The following HDAC4 variants were observed in gnomAD, a reference collection of about 807,000 sequenced individuals.
The protein encoded by HDAC4 is histone deacetylase A.
A neutral mutation model predicts 135.1 loss-of-function variants in HDAC4; 16 were observed. The observed-to-expected ratio is 0.12, with a 90% confidence interval of 0.08 to 0.18. The LOEUF is 0.18. Among genes scored for constraint, HDAC4 ranks in the 10% least tolerant of loss-of-function variants. HDAC4 has a pLI of 1.00. For missense variants in HDAC4, 1,143 were observed against 1,511.8 expected, an observed-to-expected ratio of 0.76 and a Z score of 4.05; for synonymous variants, 685 against 653.4, an observed-to-expected ratio of 1.05 and a Z score of -0.74.
chr2:239,287,987 C>T (rs1384972053), intron 2 of HDAC4, among the ~76,000 whole-genome samples: 3 of 151,478 alleles, frequency 2.0e-5, no homozygotes, highest in African/African-American at 7.3e-5. Context: ...AAATATGAAC[C>T]CCAAATAGTC....
At position 239,167,407 on chromosome 2, in the gene HDAC4, G is replaced by A. The variant is rs1292600469; in HGVS notation, c.491-3484C>T. Among the ~76,000 whole-genome samples, 3 of 152,156 alleles carry A rather than the reference G, an allele frequency of 2.0e-5. No individual in the cohort carries two copies. The highest frequency in any genetic ancestry group is 4.8e-5 in the African/African-American group (2 of 41,430). ...GGGCTGGGTGCTGGGCATGACTGGCGTTCATGCCCCATGCAGTGGGGGGCA... is the reference window on the plus strand; with the variant it reads ...GGGCTGGGTGCTGGGCATGACTGGCATTCATGCCCCATGCAGTGGGGGGCA... On this transcript the variant is annotated intron_variant, in intron 5 of 26. Transcript: ENST00000543185. The surrounding 1 kb of genome is among the most constrained non-coding windows in gnomAD (Gnocchi z 4.1).
chr2:239,220,993 C>T (rs1013471914), intron 3 of HDAC4, among the ~76,000 whole-genome samples: 1 of 152,134 alleles, frequency 6.6e-6, no homozygotes, highest in African/African-American at 2.4e-5. Flanking sequence ...GGTACTCCCT[C>T]ACCACGAAGA....
At chr2:239,156,074 T>A (rs940186340) in intron 7 of HDAC4, among the ~76,000 whole-genome samples, 1 of 152,244 alleles carries the variant, frequency 6.6e-6, no homozygotes, top group African/African-American at 2.4e-5. Context: ...TCCCTGCTTC[T>A]AAGATGGTCC....
At chr2:239,157,355 TG>T (rs1559527839) in intron 6 of HDAC4, among the ~76,000 whole-genome samples, 1 of 152,148 alleles carries the variant, frequency 6.6e-6, no homozygotes, top group East Asian at 1.9e-4. Context: ...CCTCCCTCTC[TG>T]GGGGAGGAAC....
chr2:239,284,937 A>G (rs1193420630), intron 2 of HDAC4, among the ~76,000 whole-genome samples: 1 of 152,212 alleles, frequency 6.6e-6, no homozygotes, highest in Non-Finnish European at 1.5e-5. Flanking sequence ...GAAGCCAGAG[A>G]CAAGTGACAA....
intron 1 of HDAC4, among the ~76,000 whole-genome samples, chr2:239,358,034 A>G (rs940486697): frequency 4.6e-5 from 7 of 152,202 alleles, no homozygotes; most frequent in African/African-American, 1.7e-4. Flanking sequence ...TGCCTTGAAA[A>G]GCCCAAGCTA....
chr2:239,080,504 A>AT (rs1224858708), intron 22 of HDAC4, among the ~76,000 whole-genome samples: 3 of 152,212 alleles, frequency 2.0e-5, no homozygotes, highest in African/African-American at 7.2e-5. Flanking sequence ...TCAGCATCCC[A>AT]TTTTGGGTCA....
chr2:239,167,042 T>C lies in HDAC4; in HGVS notation c.491-3119A>G, dbSNP rs6711380. ...TGAGGATGAGGACCCAGATGGCCAG[T>C]TGTTGGAGGGGACTGCCCTGCAGGT... On this transcript the variant is annotated intron_variant, in intron 5 of 26. Transcript: ENST00000543185. The surrounding 1 kb of genome is among the most constrained non-coding windows in gnomAD (Gnocchi z 4.1). Among the ~76,000 whole-genome samples the C allele has an allele frequency of 1.1e-3, 165 of 151,674 alleles. No homozygotes were observed. Among genetic ancestry groups the C allele is most frequent in the Admixed American group, 2.5e-3 (38 of 15,234 alleles).
At chr2:239,298,113 A>C in intron 2 of HDAC4, 1 of 957,322 alleles carries the variant, frequency 1.0e-6, no homozygotes, top group Non-Finnish European at 1.5e-6. Flanking sequence ...GATAAAAAAA[A>C]TTAATGGACT....
intron 16 of HDAC4, among the ~76,000 whole-genome samples, chr2:239,098,323 T>A (rs2037302365): frequency 1.3e-5 from 2 of 152,212 alleles, no homozygotes; most frequent in South Asian, 4.1e-4. Context: ...TTACTACTTG[T>A]CTGTTTGCCG....
chr2:239,276,330 C>T (rs1246452395), intron 2 of HDAC4, among the ~76,000 whole-genome samples: 2 of 152,308 alleles, frequency 1.3e-5, no homozygotes, highest in African/African-American at 2.4e-5. Flanking sequence ...AACAGAGAGG[C>T]CTGTCTAACT....
At chr2:239,392,077 T>C (rs1696258392) in intron 1 of HDAC4, among the ~76,000 whole-genome samples, 1 of 152,204 alleles carries the variant, frequency 6.6e-6, no homozygotes, top group Admixed American at 6.5e-5. Flanking sequence ...GGCCCCATCC[T>C]GCCCGGGCCA....
intron 2 of HDAC4, among the ~76,000 whole-genome samples, chr2:239,266,931 G>T (rs112889214): frequency 1.4e-3 from 216 of 152,248 alleles, no homozygotes; most frequent in African/African-American, 5.1e-3. Context: ...CCTAACCACT[G>T]GAGGTCCCCT....
rs1179888491 is a variant in HDAC4, at chr2:239,189,983, C to T, written c.189G>A (p.Glu63=). The change falls in exon 4 of 27, where the codon GAG becomes GAA. Residue 63 remains glutamate, a synonymous_variant. Coordinates refer to ENST00000543185, the MANE Select transcript of HDAC4 (RefSeq NM_001378414.1). ...LDHQFSLPVA[E]PALREQQLQQ... is the part of the protein sequence containing the mutation. ...GCAGCTGCTGCTCCCGCAGGGCCGG[C>T]TCTGCCACAGGCAGTGAGAACTGGT... The T allele has an allele frequency of 6.2e-7, 1 of 1,607,406 alleles. No individual in the cohort carries two copies. Among genetic ancestry groups the T allele is most frequent in the Non-Finnish European group, 8.5e-7 (1 of 1,179,914 alleles).
intron 2 of HDAC4, among the ~76,000 whole-genome samples, chr2:239,242,274 G>A (rs186958858): frequency 1.4e-4 from 21 of 151,440 alleles, no homozygotes; most frequent in African/African-American, 5.1e-4. Flanking sequence ...AACAGTGCCT[G>A]GGATTGCACT....
intron 1 of HDAC4, among the ~76,000 whole-genome samples, chr2:239,396,128 C>G (rs114310254): frequency 6.6e-6 from 1 of 151,652 alleles, no homozygotes; most frequent in Admixed American, 6.6e-5. Context: ...AGGCACACGA[C>G]GTCATGCCTG....
rs1327953873 is a variant in HDAC4, at chr2:239,380,882, G to A, written c.-220+20096C>T. ...CCATCTCAGAAAACGAGGGATGCCC[G>A]GTTTAAACGTTCCCGTACACAGCGC... On this transcript the variant is annotated intron_variant, in intron 1 of 26. Coordinates refer to ENST00000543185, the MANE Select transcript of HDAC4 (RefSeq NM_001378414.1). Among the ~76,000 whole-genome samples, 8 of 152,198 alleles carry A rather than the reference G, an allele frequency of 5.3e-5. No individual in the cohort carries two copies. In the East Asian group the frequency reaches 5.8e-4, roughly 11 times the overall value.
intron 3 of HDAC4, among the ~76,000 whole-genome samples, chr2:239,194,566 A>G (rs145081090): frequency 0.021 from 3,268 of 152,334 alleles, 43 homozygotes; most frequent in Middle Eastern, 0.048. Context: ...CCACCTGTGA[A>G]ACAGCCAGCG....
chr2:239,160,204 C>T (rs1355340710), intron 6 of HDAC4, among the ~76,000 whole-genome samples: 4 of 152,152 alleles, frequency 2.6e-5, no homozygotes, highest in Non-Finnish European at 4.4e-5. Context: ...TTTTAGTATT[C>T]GATTAAACCA....
Sources: gnomAD v4.1 joint callset for allele counts (sites outside exome capture counted in the v4.1 genomes callset) on GRCh38, gnomAD v4.1.1 for gene constraint, Gnocchi (gnomAD v3.1) non-coding constraint, MANE v1.5 for transcripts, NCBI Gene and HGNC (gene_info 2026-07-23, HGNC 2026-07-21) for gene names.